ZNF174: variants seen among roughly 807,000 people sequenced by gnomAD.
The protein encoded by ZNF174 is AW-1.
In ZNF174, 30 loss-of-function variants were observed where a neutral mutation model predicts 38.7. That is an observed-to-expected ratio of 0.78 (90% CI 0.58 to 1.05). ZNF174 has a LOEUF of 1.05. Among genes scored for constraint, ZNF174 ranks in the 50% least tolerant of loss-of-function variants. ZNF174 has a pLI of 0.00. For synonymous variants in ZNF174, 201 were observed against 181.7 expected, an observed-to-expected ratio of 1.11 and a Z score of -0.86; for missense variants, 499 against 495.6, an observed-to-expected ratio of 1.01 and a Z score of -0.06.
intron 2 of ZNF174, among the ~76,000 whole-genome samples, chr16:3,405,683 G>T (rs2034045463): frequency 6.6e-6 from 1 of 152,188 alleles, no homozygotes; most frequent in Non-Finnish European, 1.5e-5. Context: ...TTTGTCTCTA[G>T]AATTGCTTAT....
chr16:3,403,806 T>G (rs143396175), intron 1 of ZNF174, among the ~76,000 whole-genome samples: 1 of 152,226 alleles, frequency 6.6e-6, no homozygotes, highest in African/African-American at 2.4e-5. Flanking sequence ...TGTCTTTGGA[T>G]CAGGAAGTTA....
chr16:3,402,405 G>A lies in ZNF174; in HGVS notation c.401G>A (p.Trp134Ter). The change falls in exon 1 of 3, where the codon TGG becomes TAG. Residue 134 changes from tryptophan to a stop codon, truncating the protein, a stop_gained and splice_region_variant. Coordinates refer to ENST00000268655, the MANE Select transcript of ZNF174 (RefSeq NM_003450.3). LOFTEE classifies it high-confidence loss of function. ...AGAGCATCCAAGAAACCAAAGCAGT[G>A]GGTAAGGAGGGTCCTCTCCCATCAT... ...FHRASKKPKQ[W>*]VAVCMQGQKV... 6 of 1,608,974 alleles carry A rather than the reference G, an allele frequency of 3.7e-6. No individual in the cohort carries two copies. The highest frequency in any genetic ancestry group is 4.2e-6 in the Non-Finnish European group (5 of 1,178,578).
chr16:3,406,622 A>G lies in ZNF174; in HGVS notation c.626-1699A>G, dbSNP rs151201374. ...GTTCAGATCCTTTGGTCATTTTTAA[A>G]TTAGGTTATTTGTCTTTATTTTTTA... On this transcript the variant is annotated intron_variant, in intron 2 of 2. Coordinates refer to ENST00000268655, the MANE Select transcript of ZNF174 (RefSeq NM_003450.3). 5.4e-3 allele frequency among the ~76,000 whole-genome samples: 818 copies of G among 152,254 alleles called. 7 individuals carry two copies. The highest frequency in any genetic ancestry group is 0.015 in the East Asian group (80 of 5,192).
In ZNF174 at chr16:3,408,307, C is replaced by A. The variant is rs910143747; in HGVS notation, c.626-14C>A. On this transcript the variant is annotated splice_polypyrimidine_tract_variant and intron_variant, in intron 2 of 2. Transcript: ENST00000268655. Reference sequence around the variant, plus strand: ...CCAAGTGCAGAAAATGAAGCATTTTCTTTCTAATTATAGAGGCCCCCAGAA... The same window carrying A: ...CCAAGTGCAGAAAATGAAGCATTTTATTTCTAATTATAGAGGCCCCCAGAA... 2 of 1,550,552 alleles carry A rather than the reference C, an allele frequency of 1.3e-6. No individual in the cohort carries two copies. The highest frequency in any genetic ancestry group is 1.4e-5 in the African/African-American group (1 of 72,112).
Position 3,401,965 on chromosome 16 carries a change from A to C in ZNF174, c.-40A>C. 6.3e-7 allele frequency: 1 copy of C among 1,599,454 alleles called. No homozygotes were observed. The highest frequency in any genetic ancestry group is 8.5e-7 in the Non-Finnish European group (1 of 1,176,650). On this transcript the variant is annotated 5_prime_UTR_variant, in exon 1 of 3. An upstream open reading frame in the 5' UTR loses its in-frame stop. Coordinates refer to ENST00000268655, the MANE Select transcript of ZNF174 (RefSeq NM_003450.3). ...TCCAGGGTCATGATCCCAAAGGCTT[A>C]ACCCGTTTACAAGGAGAGAGTTGTC... is the stretch of plus-strand genomic sequence containing the variant.
In ZNF174 at chr16:3,401,792, G is replaced by T. The variant is rs1056584242; in HGVS notation, c.-213G>T. 2 of 565,772 alleles carry T rather than the reference G, an allele frequency of 3.5e-6. No individual in the cohort carries two copies. Among genetic ancestry groups the T allele is most frequent in the Non-Finnish European group, 3.0e-6 (1 of 330,310 alleles). The allele number at this position is 565,772 out of a possible 1,614,324, so 35.0% of individuals were successfully genotyped here. Reference sequence around the variant, plus strand: ...CAAGACTGCAAAAAACTGACAAGAAGACAAAACTCTTCCCACTCCCAGGGA... The same window carrying T: ...CAAGACTGCAAAAAACTGACAAGAATACAAAACTCTTCCCACTCCCAGGGA... On this transcript the variant is annotated 5_prime_UTR_variant, in exon 1 of 3. Transcript: ENST00000268655.
chr16:3,408,300 G>C, intron 2 of ZNF174, 21 bp from the exon 3 acceptor site: 1 of 1,537,164 alleles, frequency 6.5e-7, no homozygotes, highest in South Asian at 1.2e-5. Flanking sequence ...AGAAAATGAA[G>C]CATTTTCTTT....
At position 3,401,782 on chromosome 16, in the gene ZNF174, C is replaced by T; in HGVS notation, c.-223C>T. The T allele has an allele frequency of 9.4e-6, 5 of 534,230 alleles. No homozygotes were observed. The highest frequency in any genetic ancestry group is 2.4e-5 in the South Asian group (1 of 42,486). The allele number at this position is 534,230 out of a possible 1,614,324, so 33.1% of individuals were successfully genotyped here. Reference sequence around the variant, plus strand: ...TTCTCCTTTGCAAGACTGCAAAAAACTGACAAGAAGACAAAACTCTTCCCA... The same window carrying T: ...TTCTCCTTTGCAAGACTGCAAAAAATTGACAAGAAGACAAAACTCTTCCCA... On this transcript the variant is annotated 5_prime_UTR_variant, in exon 1 of 3. Transcript: ENST00000268655.
chr16:3,402,673 T>G (rs916119615), intron 1 of ZNF174, among the ~76,000 whole-genome samples: 1 of 152,050 alleles, frequency 6.6e-6, no homozygotes, highest in Non-Finnish European at 1.5e-5. Flanking sequence ...TTAGCCAGGA[T>G]GGTCTCGATC....
chr16:3,403,077 G>A (rs1417567713), intron 1 of ZNF174, among the ~76,000 whole-genome samples: 4 of 149,536 alleles, frequency 2.7e-5, no homozygotes, highest in African/African-American at 4.9e-5. Flanking sequence ...CTGTTGGGTA[G>A]CAGTTGGACT....
At chr16:3,402,576 A>T (rs2033959014) in intron 1 of ZNF174, among the ~76,000 whole-genome samples, 170 bp downstream of exon 1, 1 of 149,054 alleles carries the variant, frequency 6.7e-6, no homozygotes, top group African/African-American at 2.5e-5. Context: ...CTCCTGCCTC[A>T]GCCTCCCGAG....
intron 1 of ZNF174, 49 bp downstream of exon 1, chr16:3,402,455 T>TC (rs1567339040): frequency 2.0e-6 from 3 of 1,470,632 alleles, no homozygotes; most frequent in Non-Finnish European, 2.7e-6. Flanking sequence ...TTTCTTTTCT[T>TC]TTTTTTTTTT....
chr16:3,408,925 G>T lies in ZNF174; in HGVS notation c.*6G>T. On this transcript the variant is annotated 3_prime_UTR_variant, in exon 3 of 3. Transcript: ENST00000268655. ...GACTTCACCATGGGGACTAAAAGGA[G>T]CACTCCATGCTTTAGATTCACACGG... The T allele has an allele frequency of 6.3e-7, 1 of 1,594,962 alleles. No homozygotes were observed. Among genetic ancestry groups the T allele is most frequent in the Non-Finnish European group, 8.6e-7 (1 of 1,169,158 alleles).
At position 3,401,857 on chromosome 16, in the gene ZNF174, G is replaced by A. The variant is rs1243913362; in HGVS notation, c.-148G>A. ...GTTTGGCTAGTAAAGGCTAGCAAGT[G>A]AGGCTTTGTCTCTGCATCCCGTTCC... On this transcript the variant is annotated 5_prime_UTR_variant, in exon 1 of 3. Transcript: ENST00000268655. 1 of 987,942 alleles carries A rather than the reference G, an allele frequency of 1.0e-6. No homozygotes were observed. The highest frequency in any genetic ancestry group is 1.5e-6 in the Non-Finnish European group (1 of 674,398). 61.2% of individuals were successfully genotyped at this position (987,942 alleles called of 1,614,324 possible).
At chr16:3,406,458 G>A (rs570113328) in intron 2 of ZNF174, among the ~76,000 whole-genome samples, 1 of 152,260 alleles carries the variant, frequency 6.6e-6, no homozygotes, top group Non-Finnish European at 1.5e-5. Context: ...GCTAGCACTT[G>A]TTATTGTCTT....
intron 1 of ZNF174, among the ~76,000 whole-genome samples, chr16:3,404,198 GGCCCAA>G (rs1200318494): frequency 4.5e-4 from 69 of 152,252 alleles, no homozygotes; most frequent in African/African-American, 1.6e-3. Flanking sequence ...CCTTGAGAAA[GGCCCAA>G]GCTTTAGGGG....
At chr16:3,404,730 C>A in intron 2 of ZNF174, 82 bp downstream of exon 2, 1 of 1,568,754 alleles carries the variant, frequency 6.4e-7, no homozygotes, top group Non-Finnish European at 8.7e-7. Context: ...AGGCATAGAC[C>A]ACATGTGTGT....
At chr16:3,407,024 C>A (rs1000540005) in intron 2 of ZNF174, among the ~76,000 whole-genome samples, 9 of 152,150 alleles carry the variant, frequency 5.9e-5, no homozygotes, top group African/African-American at 9.7e-5. Context: ...TCTGATCAGG[C>A]TCTTACAACA....
intron 1 of ZNF174, among the ~76,000 whole-genome samples, chr16:3,404,194 GAA>G (rs1276950316): frequency 4.5e-4 from 69 of 152,316 alleles, no homozygotes; most frequent in African/African-American, 1.6e-3. Context: ...TGGCCCTTGA[GAA>G]AGGCCCAAGC....
Sources: gnomAD v4.1 joint callset for allele counts (sites outside exome capture counted in the v4.1 genomes callset) on GRCh38, gnomAD v4.1.1 for gene constraint, MANE v1.5 for transcripts, NCBI Gene and HGNC (gene_info 2026-07-23, HGNC 2026-07-21) for gene names.